Variants in MLIP observed in about 807,000 individuals in gnomAD.
MLIP encodes muscular LMNA interacting protein, also known as muscular LMNA-interacting protein.
Under a neutral mutation model 84.8 loss-of-function variants are expected in MLIP, and 79 were observed. The observed-to-expected ratio is 0.93, with a 90% confidence interval of 0.78 to 1.12. MLIP has a LOEUF of 1.12. Among genes scored for constraint, MLIP ranks in the 50% most tolerant of loss-of-function variants. The probability of loss-of-function intolerance (pLI) is 0.00; values close to 1 mark genes in which losing one functional copy is unlikely to be tolerated. For missense variants in MLIP, 1,257 were observed against 1,160.6 expected, an observed-to-expected ratio of 1.08 and a Z score of -1.21; for synonymous variants, 504 against 463.0, an observed-to-expected ratio of 1.09 and a Z score of -1.14.
intron 1 of MLIP, among the ~76,000 whole-genome samples, chr6:54,087,154 T>C (rs191869265): frequency 3.3e-5 from 5 of 152,270 alleles, no homozygotes; most frequent in Admixed American, 3.3e-4. Flanking sequence ...TAAATGAATA[T>C]TATGATATAT....
intron 1 of MLIP, among the ~76,000 whole-genome samples, chr6:54,077,371 T>G (rs1766868908): frequency 6.6e-6 from 1 of 151,822 alleles, no homozygotes; most frequent in Admixed American, 6.6e-5. Flanking sequence ...CCAATAAAAC[T>G]TCATTAAAAA....
At chr6:54,040,267 CAACAAATTAATA>C (rs1006867070) in intron 1 of MLIP, among the ~76,000 whole-genome samples, 1 of 151,472 alleles carries the variant, frequency 6.6e-6, no homozygotes, top group African/African-American at 2.4e-5. Flanking sequence ...ATAACCCATT[CAACAAATTAATA>C]AACAAGGTAA....
At position 54,093,328 on chromosome 6, in the gene MLIP, A is replaced by ATTCT. The variant is rs1561923762; in HGVS notation, c.64-28119_64-28118insTTCT. Among the ~76,000 whole-genome samples the ATTCT allele has an allele frequency of 2.8e-4, 23 of 81,434 alleles. No homozygotes were observed. The South Asian group carries it at 4.2e-3, about 15-fold the overall frequency. 53.4% of individuals were successfully genotyped at this position (81,434 alleles called of 152,430 possible). On this transcript the variant is annotated intron_variant, in intron 1 of 12. Transcript: ENST00000274897. ...AGTGCTTATTAATATATTTTCGATT[A>ATTCT]AATTCTATTCTATTCTATTCTATTC...
At chr6:54,216,529 G>T (rs1268616517) in intron 11 of MLIP, 22 of 985,306 alleles carry the variant, frequency 2.2e-5, no homozygotes, top group Non-Finnish European at 2.5e-5. Context: ...TGTGAAACTT[G>T]CTGTCAGACA....
chr6:54,228,429 A>G (rs1780754667), intron 11 of MLIP, among the ~76,000 whole-genome samples: 1 of 152,206 alleles, frequency 6.6e-6, no homozygotes. Context: ...AGCTTCGCCA[A>G]GGTTCTTAAC....
chr6:54,253,220 T>C (rs1252591962), intron 12 of MLIP, among the ~76,000 whole-genome samples: 1 of 152,116 alleles, frequency 6.6e-6, no homozygotes, highest in Non-Finnish European at 1.5e-5. Flanking sequence ...CAATAATTTG[T>C]AATGTCGCTT....
At chr6:54,078,839 C>T (rs1766963695) in intron 1 of MLIP, among the ~76,000 whole-genome samples, 1 of 151,898 alleles carries the variant, frequency 6.6e-6, no homozygotes, top group African/African-American at 2.4e-5. Flanking sequence ...TTATAGGCGC[C>T]TGCCACCACA....
intron 9 of MLIP, among the ~76,000 whole-genome samples, chr6:54,179,693 A>T (rs773394493): frequency 6.6e-6 from 1 of 150,824 alleles, no homozygotes; most frequent in Non-Finnish European, 1.5e-5. Context: ...ACTAATAAAA[A>T]CCCTACACTT....
intron 1 of MLIP, among the ~76,000 whole-genome samples, chr6:54,120,625 A>G (rs1460992695): frequency 6.6e-6 from 1 of 152,206 alleles, no homozygotes; most frequent in Non-Finnish European, 1.5e-5. Flanking sequence ...TAACAGAACA[A>G]AGTCCAAGCT....
chr6:54,027,309 T>G (rs1035825062), intron 1 of MLIP, among the ~76,000 whole-genome samples: 6 of 151,636 alleles, frequency 4.0e-5, no homozygotes, highest in African/African-American at 1.5e-4. Flanking sequence ...AAATAAAGCA[T>G]TATATTTTCT....
intron 1 of MLIP, among the ~76,000 whole-genome samples, chr6:54,084,800 G>A (rs1767381201): frequency 6.6e-6 from 1 of 152,092 alleles, no homozygotes; most frequent in Non-Finnish European, 1.5e-5. Context: ...TAAGAGTCAC[G>A]GGAGCAAATG....
At chr6:54,193,648 C>G (rs1778097713) in intron 10 of MLIP, among the ~76,000 whole-genome samples, 1 of 152,126 alleles carries the variant, frequency 6.6e-6, no homozygotes, top group African/African-American at 2.4e-5. Context: ...GTGTCTGACT[C>G]TGCCTCGTGT....
chr6:54,156,002 A>G (rs1336499323), intron 5 of MLIP, among the ~76,000 whole-genome samples: 2 of 152,056 alleles, frequency 1.3e-5, no homozygotes, highest in Non-Finnish European at 1.5e-5. Context: ...TTATTAGATA[A>G]TATTTTAAGA....
intron 1 of MLIP, among the ~76,000 whole-genome samples, chr6:54,115,857 A>G (rs1468810605): frequency 6.6e-6 from 1 of 152,212 alleles, no homozygotes; most frequent in Non-Finnish European, 1.5e-5. Context: ...GGAGTGTGAG[A>G]GAAAACATTT....
chr6:54,136,308 TATC>T (rs932325226), intron 3 of MLIP, among the ~76,000 whole-genome samples: 6 of 152,228 alleles, frequency 3.9e-5, no homozygotes, highest in African/African-American at 1.4e-4. Flanking sequence ...GTTATTATAA[TATC>T]ATCCTTTATA....
intron 1 of MLIP, among the ~76,000 whole-genome samples, chr6:54,029,950 C>G (rs1261561775): frequency 1.3e-5 from 2 of 152,050 alleles, no homozygotes; most frequent in Non-Finnish European, 2.9e-5. Context: ...ACAGAGCTGT[C>G]AGATGAACTA....
At chr6:54,197,575 A>T (rs1562046526) in intron 10 of MLIP, among the ~76,000 whole-genome samples, 1 of 151,762 alleles carries the variant, frequency 6.6e-6, no homozygotes, top group Non-Finnish European at 1.5e-5. Context: ...GAATCTTCTC[A>T]TTTTTTTTCT....
chr6:54,120,712 C>CT (rs1364267708), intron 1 of MLIP, among the ~76,000 whole-genome samples: 1 of 152,098 alleles, frequency 6.6e-6, no homozygotes, highest in Non-Finnish European at 1.5e-5. Flanking sequence ...CCCTATCCTC[C>CT]TTTTCAACTG....
At chr6:54,201,888 T>C (rs1374286326) in intron 10 of MLIP, among the ~76,000 whole-genome samples, 6 of 152,224 alleles carry the variant, frequency 3.9e-5, no homozygotes, top group African/African-American at 1.4e-4. Flanking sequence ...TAGAGCTTTA[T>C]GAACTGATTG....
Sources: gnomAD v4.1 joint callset for allele counts (sites outside exome capture counted in the v4.1 genomes callset) on GRCh38, gnomAD v4.1.1 for gene constraint, MANE v1.5 for transcripts, NCBI Gene and HGNC (gene_info 2026-07-23, HGNC 2026-07-21) for gene names.